DNAH11: variants seen among roughly 807,000 people sequenced by gnomAD.
DNAH11 encodes dynein axonemal heavy chain 11, also known as axonemal beta dynein heavy chain 11.
Under a neutral mutation model 526.0 loss-of-function variants are expected in DNAH11, and 442 were observed. That is an observed-to-expected ratio of 0.84 (90% confidence interval 0.78 to 0.91). The LOEUF is 0.91. Among genes scored for constraint, DNAH11 ranks in the 40% least tolerant of loss-of-function variants. DNAH11 has a pLI of 0.00. For missense variants in DNAH11, 6,989 were observed against 5,448.7 expected (o/e 1.28, Z -8.90); for synonymous variants, 2,461 against 1,935.9 (o/e 1.27, Z -7.12).
rs374474082 is a variant in DNAH11, at chr7:21,717,727, C to T, written c.6984-48C>T. On this transcript the variant is annotated intron_variant, in intron 42 of 81. Coordinates refer to ENST00000409508, the MANE Select transcript of DNAH11 (RefSeq NM_001277115.2). ...AAGCTTTTGACTTGGTGAAATTCTG[C>T]TTTTCAAGCCTAGTGTTCAATAAAA... 59 of 1,606,406 alleles carry T rather than the reference C, an allele frequency of 3.7e-5. No homozygotes were observed. The African/African-American group carries it at 4.6e-4, about 12-fold the overall frequency.
chr7:21,893,025 T>C (rs963223591), intron 77 of DNAH11, among the ~76,000 whole-genome samples: 15 of 152,228 alleles, frequency 9.9e-5, no homozygotes, highest in Non-Finnish European at 1.5e-4. Context: ...CAATGGTTCA[T>C]TTTTGTTTTG....
At chr7:21,551,458 A>T (rs1783020023) in intron 2 of DNAH11, among the ~76,000 whole-genome samples, 1 of 151,958 alleles carries the variant, frequency 6.6e-6, no homozygotes, top group African/African-American at 2.4e-5. Flanking sequence ...ATTAGGCCCC[A>T]CTCTGTCCAG....
chr7:21,833,774 T>C (rs1781882812), intron 65 of DNAH11, among the ~76,000 whole-genome samples: 1 of 152,166 alleles, frequency 6.6e-6, no homozygotes, highest in Admixed American at 6.6e-5. Context: ...ATATAAGTTT[T>C]ATTGTAGAGA....
intron 28 of DNAH11, among the ~76,000 whole-genome samples, chr7:21,649,862 T>G (rs1787547461): frequency 6.6e-6 from 1 of 152,026 alleles, no homozygotes; most frequent in Non-Finnish European, 1.5e-5. Context: ...GATGGGGTTT[T>G]GCCTTGTTGG....
chr7:21,854,332 A>G lies in DNAH11; in HGVS notation c.11079A>G (p.Glu3693=). The change falls in exon 68 of 82, where the codon GAA becomes GAG. Residue 3693 remains glutamate, a synonymous_variant. Transcript: ENST00000409508. ...EIEHKVIEAK[E]NERKINEARE... The stretch of plus-strand genomic sequence containing the variant: ...CACCATAGGTGATTGAAGCCAAAGA[A>G]AATGAAAGAAAAATCAACGAGGCCC... The G allele has an allele frequency of 6.2e-7, 1 of 1,613,844 alleles. No homozygotes were observed. The highest frequency in any genetic ancestry group is 8.5e-7 in the Non-Finnish European group (1 of 1,179,846).
intron 56 of DNAH11, among the ~76,000 whole-genome samples, chr7:21,774,214 G>A (rs1306565751): frequency 2.0e-5 from 3 of 152,134 alleles, no homozygotes; most frequent in African/African-American, 7.2e-5. Flanking sequence ...TCTCTTCCTG[G>A]CCTGACTCAG....
intron 63 of DNAH11, among the ~76,000 whole-genome samples, chr7:21,813,677 G>A (rs1268544971): frequency 6.6e-6 from 1 of 152,178 alleles, no homozygotes; most frequent in South Asian, 2.1e-4. Context: ...TCTAGCAAAT[G>A]CTTCTTTTCC....
chr7:21,610,392 A>G (rs1474530019), intron 20 of DNAH11, among the ~76,000 whole-genome samples: 2 of 152,244 alleles, frequency 1.3e-5, no homozygotes, highest in African/African-American at 2.4e-5. Context: ...AATGGTTACA[A>G]GTATCTTCCT....
intron 23 of DNAH11, 72 bp downstream of exon 23, chr7:21,617,849 G>A: frequency 7.0e-7 from 1 of 1,422,608 alleles, no homozygotes; most frequent in Middle Eastern, 2.0e-4. Context: ...TGCATCATCT[G>A]AGATGAAGTG....
chr7:21,892,345 G>C, intron 76 of DNAH11, 80 bp from the exon 77 acceptor site: 1 of 1,532,748 alleles, frequency 6.5e-7, no homozygotes, highest in Non-Finnish European at 8.8e-7. Context: ...TTCTTGTCAG[G>C]GTCTTCTCGA....
At position 21,687,411 on chromosome 7, in the gene DNAH11, G is replaced by A. The variant is rs2128474012; in HGVS notation, c.5808G>A (p.Val1936=). The change falls in exon 34 of 82, where the codon GTG becomes GTA. Residue 1936 remains valine, a synonymous_variant. Transcript: ENST00000409508. ...KSIGNIYKGL[V]QTGAWGCFDE... is the part of the protein sequence containing the mutation. ...TAGGCAATATCTATAAGGGATTGGT[G>A]CAGACAGGAGCTTGGGGCTGCTTTG... 2 of 1,613,880 alleles carry A rather than the reference G, an allele frequency of 1.2e-6. No homozygotes were observed. Among genetic ancestry groups the A allele is most frequent in the East Asian group, 4.5e-5 (2 of 44,886 alleles).
At position 21,762,716 on chromosome 7, in the gene DNAH11, G is replaced by A. The variant is rs555369710; in HGVS notation, c.8941-2712G>A. 4.6e-5 allele frequency among the ~76,000 whole-genome samples: 7 copies of A among 152,236 alleles called. No homozygotes were observed. The South Asian group carries it at 1.4e-3, about 32-fold the overall frequency. ...AATGTTAAACCACATGCAAAAAAAT[G>A]AAATTGGACCTTGTCTTACAACCTA... On this transcript the variant is annotated intron_variant, in intron 54 of 81. Transcript: ENST00000409508.
chr7:21,622,617 C>CAG lies in DNAH11; in HGVS notation c.4500+2541_4500+2542dup, dbSNP rs545377670. ...AAACAGCATGGTACTGGTACCAAAACAGATATAGATCAATGGAACAGAACA... is the reference window on the plus strand; with the variant it reads ...AAACAGCATGGTACTGGTACCAAAACAGAGATATAGATCAATGGAACAGAACA... On this transcript the variant is annotated intron_variant, in intron 25 of 81. Coordinates refer to ENST00000409508, the MANE Select transcript of DNAH11 (RefSeq NM_001277115.2). Among the ~76,000 whole-genome samples, 7 of 151,838 alleles carry CAG rather than the reference C, an allele frequency of 4.6e-5. No individual in the cohort carries two copies. In the East Asian group the frequency reaches 7.8e-4, roughly 17 times the overall value.
Position 21,899,344 on chromosome 7 carries a change from ACCT to A in DNAH11, c.13065_13067del (p.Leu4356del), listed in dbSNP as rs72658828. The A allele has an allele frequency of 1.9e-6, 3 of 1,613,750 alleles. No homozygotes were observed. Among genetic ancestry groups the A allele is most frequent in the South Asian group, 1.1e-5 (1 of 91,078 alleles). On this transcript the variant is annotated inframe_deletion, in exon 80 of 82. Transcript: ENST00000409508. ...TCCCTCCCATAAACCAGGTTCAATG[ACCT>A]CCTCCTGCGATGCCGAGAACTCGAT...
At chr7:21,892,317 C>A in intron 76 of DNAH11, 108 bp from the exon 77 acceptor site, 1 of 1,457,312 alleles carries the variant, frequency 6.9e-7, no homozygotes, top group Non-Finnish European at 9.2e-7. Context: ...GCTACCCAGA[C>A]AGCATTGTGC....
At chr7:21,841,579 A>G (rs537899660) in intron 65 of DNAH11, among the ~76,000 whole-genome samples, 7 of 150,564 alleles carry the variant, frequency 4.6e-5, no homozygotes, top group African/African-American at 1.5e-4. Context: ...TGGAATGTCT[A>G]TATGGTCCCA....
At position 21,639,044 on chromosome 7, in the gene DNAH11, A is replaced by C; in HGVS notation, c.4923A>C (p.Ser1641=). 6.2e-7 allele frequency: 1 copy of C among 1,613,388 alleles called. No homozygotes were observed. The highest frequency in any genetic ancestry group is 8.5e-7 in the Non-Finnish European group (1 of 1,179,626). Residue 1641 remains serine, a synonymous_variant, in exon 28 of 82, where the codon TCA becomes TCC. Coordinates refer to ENST00000409508, the MANE Select transcript of DNAH11 (RefSeq NM_001277115.2). ...CTGCTGATTTACTTGACATTCTCTC[A>C]AAAGGAGCTCAGCCTAAACAGGTAA... ...VSSADLLDIL[S]KGAQPKQVTC...
intron 24 of DNAH11, 121 bp from the exon 25 acceptor site, chr7:21,619,835 C>A: frequency 2.2e-6 from 2 of 915,486 alleles, no homozygotes; most frequent in Non-Finnish European, 3.3e-6. Context: ...AAAACTCAAG[C>A]CAATAATACT....
At position 21,717,099 on chromosome 7, in the gene DNAH11, T is replaced by C. The variant is rs1340150615; in HGVS notation, c.6984-676T>C. ...TACATTTTTGCCCTGTAGACTACTA[T>C]AGGTGCTACTAAGTCATGCTTTGTT... On this transcript the variant is annotated intron_variant, in intron 42 of 81. Coordinates refer to ENST00000409508, the MANE Select transcript of DNAH11 (RefSeq NM_001277115.2). Among the ~76,000 whole-genome samples, 4 of 152,306 alleles carry C rather than the reference T, an allele frequency of 2.6e-5. No homozygotes were observed. In the East Asian group the frequency reaches 7.7e-4, roughly 29 times the overall value.
Sources: allele counts gnomAD v4.1 joint callset (sites outside exome capture counted in the v4.1 genomes callset), GRCh38; gene constraint gnomAD v4.1.1; transcripts MANE v1.5; gene names NCBI Gene and HGNC (gene_info 2026-07-23, HGNC 2026-07-21).